Variants in ARHGAP10 observed in about 807,000 individuals in gnomAD.
ARHGAP10 encodes Rho GTPase activating protein 10.
In ARHGAP10, 87 loss-of-function variants were observed where a neutral mutation model predicts 108.6. The observed-to-expected ratio is 0.80, with a 90% CI of 0.67 to 0.96. ARHGAP10 has a LOEUF of 0.96. ARHGAP10 is among the 40% of genes least tolerant of loss of function. ARHGAP10 has a pLI of 0.00. For synonymous variants in ARHGAP10, 347 were observed against 341.1 expected, an observed-to-expected ratio of 1.02 and a Z score of -0.19; for missense variants, 939 against 954.5, an observed-to-expected ratio of 0.98 and a Z score of 0.21.
chr4:147,823,466 A>G (rs942718415), intron 3 of ARHGAP10, among the ~76,000 whole-genome samples: 5 of 152,112 alleles, frequency 3.3e-5, no homozygotes, highest in African/African-American at 1.2e-4. Context: ...GAATAAGAAG[A>G]ACTACCCTTG....
intron 1 of ARHGAP10, among the ~76,000 whole-genome samples, chr4:147,790,304 A>G (rs1358326850): frequency 6.6e-6 from 1 of 152,120 alleles, no homozygotes; most frequent in Non-Finnish European, 1.5e-5. Flanking sequence ...TCTAAACTTA[A>G]TCAACTCCCA....
At chr4:148,061,424 C>T (rs927591542) in intron 20 of ARHGAP10, among the ~76,000 whole-genome samples, 7 of 152,030 alleles carry the variant, frequency 4.6e-5, no homozygotes, top group South Asian at 2.1e-4. Context: ...CTGTCCTTTC[C>T]GTTCCTGATT....
intron 4 of ARHGAP10, among the ~76,000 whole-genome samples, 191 bp from the exon 5 acceptor site, chr4:147,857,362 T>A (rs1263454609): frequency 6.6e-6 from 1 of 152,216 alleles, no homozygotes; most frequent in East Asian, 1.9e-4. Context: ...AAAGTGTCTC[T>A]TCTATCCTAA....
Position 147,915,501 on chromosome 4 carries a change from A to G in ARHGAP10, c.1228+2362A>G, listed in dbSNP as rs375285577. ...TACATACTTATTTCTGCCTGAATAGATGCAGATCTATCTAGAAGGCTTTCT... is the reference window on the plus strand; with the variant it reads ...TACATACTTATTTCTGCCTGAATAGGTGCAGATCTATCTAGAAGGCTTTCT... On this transcript the variant is annotated intron_variant, in intron 13 of 22. Coordinates refer to ENST00000336498, the MANE Select transcript of ARHGAP10 (RefSeq NM_024605.4). Among the ~76,000 whole-genome samples, 36 of 152,314 alleles carry G rather than the reference A, an allele frequency of 2.4e-4. No individual in the cohort carries two copies. In the South Asian group the frequency reaches 7.3e-3, roughly 31 times the overall value.
chr4:148,040,119 G>A (rs181710208), intron 19 of ARHGAP10, among the ~76,000 whole-genome samples: 39 of 152,178 alleles, frequency 2.6e-4, no homozygotes, highest in African/African-American at 8.9e-4. Context: ...CCTAGGTGCT[G>A]GTTCAGAGCC....
At chr4:147,732,499 C>T (rs375059886) in intron 1 of ARHGAP10, 44 bp downstream of exon 1, 3 of 1,601,774 alleles carry the variant, frequency 1.9e-6, no homozygotes, top group African/African-American at 2.7e-5. Flanking sequence ...CGTGGCGAGG[C>T]GGCTGGGGGA....
intron 18 of ARHGAP10, among the ~76,000 whole-genome samples, chr4:147,976,552 T>C (rs2149623365): frequency 6.6e-6 from 1 of 151,980 alleles, no homozygotes; most frequent in East Asian, 1.9e-4. Flanking sequence ...TTTTTTTTTT[T>C]TTTTCTTCTT....
chr4:147,819,357 T>C (rs1401863063), intron 1 of ARHGAP10, among the ~76,000 whole-genome samples: 1 of 152,206 alleles, frequency 6.6e-6, no homozygotes, highest in Non-Finnish European at 1.5e-5. Flanking sequence ...GTATATATTA[T>C]GTGTAAATGT....
chr4:147,893,638 G>C (rs2126889032), intron 10 of ARHGAP10, among the ~76,000 whole-genome samples: 1 of 149,200 alleles, frequency 6.7e-6, no homozygotes, highest in African/African-American at 2.4e-5. Flanking sequence ...TCAATAAAAA[G>C]TAACCATAGT....
At chr4:147,779,348 T>G (rs561946191) in intron 1 of ARHGAP10, among the ~76,000 whole-genome samples, 27 of 152,132 alleles carry the variant, frequency 1.8e-4, no homozygotes, top group Non-Finnish European at 3.8e-4. Context: ...GGCCCAGGGA[T>G]CTTGAGTACC....
intron 15 of ARHGAP10, among the ~76,000 whole-genome samples, chr4:147,951,825 G>C (rs917962396): frequency 6.6e-6 from 1 of 152,078 alleles, no homozygotes; most frequent in Non-Finnish European, 1.5e-5. Flanking sequence ...TATATTTATA[G>C]TGTAAGTTTC....
intron 1 of ARHGAP10, among the ~76,000 whole-genome samples, chr4:147,786,281 T>C (rs1346353408): frequency 1.3e-5 from 2 of 152,112 alleles, no homozygotes; most frequent in Non-Finnish European, 2.9e-5. Flanking sequence ...TGAAAACAGA[T>C]CAAATTGTGT....
intron 1 of ARHGAP10, among the ~76,000 whole-genome samples, chr4:147,789,991 A>ATTTTTTTTT: frequency 8.5e-6 from 1 of 117,810 alleles, no homozygotes; most frequent in Non-Finnish European, 1.8e-5. Flanking sequence ...TGGTGTGTGG[A>ATTTTTTTTT]TTTTTTTTTT....
intron 10 of ARHGAP10, among the ~76,000 whole-genome samples, chr4:147,906,092 A>C (rs1005771740): frequency 9.2e-5 from 14 of 152,150 alleles, no homozygotes; most frequent in African/African-American, 2.9e-4. Flanking sequence ...GTATCCTGAG[A>C]CTTTGCTGAA....
intron 19 of ARHGAP10, among the ~76,000 whole-genome samples, chr4:148,024,407 C>T (rs979447623): frequency 6.6e-6 from 1 of 152,058 alleles, no homozygotes; most frequent in Admixed American, 6.6e-5. Flanking sequence ...TGACAGATAC[C>T]ATGCCTTCAT....
chr4:148,010,124 GT>G (rs1235050972), intron 18 of ARHGAP10, among the ~76,000 whole-genome samples: 1 of 152,014 alleles, frequency 6.6e-6, no homozygotes, highest in African/African-American at 2.4e-5. Flanking sequence ...TTGTCATGAG[GT>G]TGGAGGGAGA....
chr4:147,989,162 A>G (rs950612061), intron 18 of ARHGAP10, among the ~76,000 whole-genome samples: 3 of 152,256 alleles, frequency 2.0e-5, no homozygotes, highest in Admixed American at 2.0e-4. Context: ...AAAAACCAGC[A>G]AGTTTTTATT....
intron 9 of ARHGAP10, 44 bp from the exon 10 acceptor site, chr4:147,881,794 C>G (rs993617359): frequency 6.3e-7 from 1 of 1,587,296 alleles, no homozygotes; most frequent in Non-Finnish European, 8.6e-7. Flanking sequence ...TGTGTATATA[C>G]TTATCCTGTA....
chr4:147,911,993 ACGTGTGTGTG>A (rs1250632244), intron 12 of ARHGAP10, among the ~76,000 whole-genome samples: 97 of 108,694 alleles, frequency 8.9e-4, no homozygotes, highest in African/African-American at 3.9e-3. Context: ...AAGAACATTC[ACGTGTGTGTG>A]TGTGTGTGTG....
Sources: gnomAD v4.1 joint callset for allele counts (sites outside exome capture counted in the v4.1 genomes callset) on GRCh38, gnomAD v4.1.1 for gene constraint, MANE v1.5 for transcripts, NCBI Gene and HGNC (gene_info 2026-07-23, HGNC 2026-07-21) for gene names.